Variants in ITGA8 observed in about 807,000 individuals in gnomAD.
ITGA8 encodes the protein integrin subunit alpha 8.
A neutral mutation model predicts 142.3 loss-of-function variants in ITGA8; 91 were observed. The observed-to-expected ratio is 0.64, with a 90% CI of 0.54 to 0.76. The LOEUF is 0.76. ITGA8 is among the 30% of genes least tolerant of loss of function. The pLI is 0.00. For missense variants in ITGA8, 1,406 were observed against 1,327.7 expected (o/e 1.06, Z -0.92); for synonymous variants, 505 against 485.2 (o/e 1.04, Z -0.54).
chr10:15,555,909 G>T (rs1833879268), intron 26 of ITGA8, among the ~76,000 whole-genome samples: 1 of 150,558 alleles, frequency 6.6e-6, no homozygotes, highest in Non-Finnish European at 1.5e-5. Flanking sequence ...ACGCTAACCA[G>T]AATGGTCTTG....
At chr10:15,526,620 G>T (rs1833179789) in intron 28 of ITGA8, among the ~76,000 whole-genome samples, 1 of 152,198 alleles carries the variant, frequency 6.6e-6, no homozygotes, top group South Asian at 2.1e-4. Flanking sequence ...AGTAACTGGA[G>T]TACTTAAATT....
chr10:15,608,392 T>G lies in ITGA8; in HGVS notation c.1554-102A>C, dbSNP rs1306308761. 4.6e-6 allele frequency: 3 copies of G among 652,186 alleles called. No individual in the cohort carries two copies. In the East Asian group the frequency reaches 8.1e-5, roughly 18 times the overall value. The allele number at this position is 652,186 out of a possible 1,614,324, so 40.4% of individuals were successfully genotyped here. A position where few individuals can be genotyped will look rare whatever the true frequency, so the allele number is the denominator to read the frequency against. ...GATAACGAATATCATTTTCTCTATA[T>G]ATTTCTAATTACACACACACACACA... is the stretch of plus-strand genomic sequence containing the variant. On this transcript the variant is annotated intron_variant, in intron 15 of 29. Transcript: ENST00000378076.
At chr10:15,714,292 A>G (rs1835412718) in intron 2 of ITGA8, among the ~76,000 whole-genome samples, 1 of 152,240 alleles carries the variant, frequency 6.6e-6, no homozygotes, top group Admixed American at 6.5e-5. Context: ...TAGAAAATGT[A>G]GGAAAAAGAA....
chr10:15,522,977 A>T (rs1833098124), intron 28 of ITGA8, among the ~76,000 whole-genome samples: 1 of 152,090 alleles, frequency 6.6e-6, no homozygotes, highest in African/African-American at 2.4e-5. Context: ...AGATGGTGCC[A>T]CTGCACTCCG....
At chr10:15,701,265 T>A (rs1333956998) in intron 2 of ITGA8, among the ~76,000 whole-genome samples, 1 of 152,232 alleles carries the variant, frequency 6.6e-6, no homozygotes, top group Non-Finnish European at 1.5e-5. Context: ...ACAGGTGTCA[T>A]TGGCTTTTAT....
intron 23 of ITGA8, among the ~76,000 whole-genome samples, chr10:15,576,161 C>T (rs563881480): frequency 2.6e-5 from 4 of 152,038 alleles, no homozygotes; most frequent in African/African-American, 9.7e-5. Context: ...TTCTATATTT[C>T]TTTGGCTTCC....
At position 15,515,597 on chromosome 10, in the gene ITGA8, T is replaced by G. The variant is rs1832951211; in HGVS notation, c.*1561A>C. On this transcript the variant is annotated 3_prime_UTR_variant, in exon 30 of 30. Coordinates refer to ENST00000378076, the MANE Select transcript of ITGA8 (RefSeq NM_003638.3). Reference sequence around the variant, plus strand: ...CAGCTTGTTCTATCATACTTAACATTTAGGAAATTAATTAAAAAAAAAAAC... The same window carrying G: ...CAGCTTGTTCTATCATACTTAACATGTAGGAAATTAATTAAAAAAAAAAAC... The G allele has an allele frequency of 8.3e-6, 1 of 121,170 alleles. No homozygotes were observed. Among genetic ancestry groups the G allele is most frequent in the Non-Finnish European group, 2.0e-5 (1 of 50,570 alleles). The allele number at this position is 121,170 out of a possible 1,614,324, so 7.5% of individuals were successfully genotyped here.
rs751810068 is a variant in ITGA8, at chr10:15,655,328, T to C, written c.1001+26A>G. On this transcript the variant is annotated intron_variant, in intron 11 of 29. Transcript: ENST00000378076. ...CTTTATGGATGAATGTAATATATTG[T>C]ATATGAGAGAGGTCTATAAACTTAC... is the stretch of plus-strand genomic sequence containing the variant. 18 of 1,414,802 alleles carry C rather than the reference T, an allele frequency of 1.3e-5. No individual in the cohort carries two copies. In the African/African-American group the frequency reaches 2.1e-4, roughly 17 times the overall value. The allele number at this position is 1,414,802 out of a possible 1,614,324, so 87.6% of individuals were successfully genotyped here. A position where few individuals can be genotyped will look rare whatever the true frequency, so the allele number is the denominator to read the frequency against.
intron 8 of ITGA8, 54 bp downstream of exon 8, chr10:15,671,549 T>C: frequency 1.4e-6 from 2 of 1,469,466 alleles, no homozygotes; most frequent in East Asian, 2.3e-5. Flanking sequence ...TTATATGCCA[T>C]TTTACCATTT....
At chr10:15,534,985 A>T (rs1833393040) in intron 27 of ITGA8, among the ~76,000 whole-genome samples, 1 of 151,744 alleles carries the variant, frequency 6.6e-6, no homozygotes, top group Admixed American at 6.6e-5. Flanking sequence ...GCACGGGGGG[A>T]GAGGCGCAGG....
chr10:15,688,470 C>G (rs1398683087), intron 2 of ITGA8, among the ~76,000 whole-genome samples: 1 of 151,608 alleles, frequency 6.6e-6, no homozygotes, highest in Non-Finnish European at 1.5e-5. Flanking sequence ...GACTCTGTCT[C>G]AAAAAAATAA....
chr10:15,621,982 A>AC (rs1163406914), intron 13 of ITGA8, among the ~76,000 whole-genome samples: 2 of 152,014 alleles, frequency 1.3e-5, no homozygotes, highest in African/African-American at 4.8e-5. Flanking sequence ...ATGTGGTGAA[A>AC]ACCCGTCTCT....
intron 21 of ITGA8, among the ~76,000 whole-genome samples, chr10:15,592,906 A>G (rs1832950414): frequency 6.6e-6 from 1 of 152,200 alleles, no homozygotes; most frequent in South Asian, 2.1e-4. Context: ...ATTGACTTAG[A>G]AAACTATGAT....
intron 2 of ITGA8, among the ~76,000 whole-genome samples, chr10:15,700,882 T>C (rs1360428040): frequency 6.6e-6 from 1 of 152,196 alleles, no homozygotes; most frequent in Non-Finnish European, 1.5e-5. Context: ...TACCACTATC[T>C]GAGATGATCG....
chr10:15,573,626 C>A (rs537482330), intron 24 of ITGA8, among the ~76,000 whole-genome samples: 1 of 152,054 alleles, frequency 6.6e-6, no homozygotes, highest in Admixed American at 6.6e-5. Flanking sequence ...GTAAACAGTT[C>A]ATCACTTTTG....
In ITGA8 at chr10:15,597,207, A is replaced by G. The variant is rs1833024082; in HGVS notation, c.2211T>C (p.Asn737=). Residue 737 remains asparagine (N), a splice_region_variant and synonymous_variant, in exon 21 of 30, where the codon AAT becomes AAC. Transcript: ENST00000378076. Reference sequence around the variant, plus strand: ...GTCAGTATTTCTGGTTCTCTCTTACATTTGTTCCAGACACCATAGGGTTCC... The same window carrying G: ...GTCAGTATTTCTGGTTCTCTCTTACGTTTGTTCCAGACACCATAGGGTTCC... The part of the protein sequence containing the change: ...DLGNPMVSGT[N]YSLGLRFAVP... 3 of 1,610,414 alleles carry G rather than the reference A, an allele frequency of 1.9e-6. No homozygotes were observed. The highest frequency in any genetic ancestry group is 1.1e-5 in the South Asian group (1 of 90,986).
intron 13 of ITGA8, among the ~76,000 whole-genome samples, chr10:15,631,905 G>C (rs926061219): frequency 2.0e-5 from 3 of 151,772 alleles, no homozygotes; most frequent in Non-Finnish European, 4.4e-5. Context: ...AAAGAACCCA[G>C]TCTCTGATTA....
chr10:15,630,286 T>C (rs1833661140), intron 13 of ITGA8, among the ~76,000 whole-genome samples: 1 of 152,152 alleles, frequency 6.6e-6, no homozygotes, highest in South Asian at 2.1e-4. Flanking sequence ...ACAATTTATA[T>C]ACAAGGTGTG....
At position 15,644,189 on chromosome 10, in the gene ITGA8, C is replaced by T; in HGVS notation, c.1240G>A (p.Asp414Asn). The part of the protein sequence containing the change: ...IAIGVPFAGK[D>N]QRGKVLIYNG... ...TAAATGAGCACTTTGCCTCTTTGAT[C>T]CTTGCCTGCAAAAGGCACTCCGATG... Residue 414 changes from aspartate to asparagine, a missense_variant, in exon 13 of 30, where the codon GAT (aspartate) becomes AAT (asparagine). Coordinates refer to ENST00000378076, the MANE Select transcript of ITGA8 (RefSeq NM_003638.3). 6.2e-7 allele frequency: 1 copy of T among 1,613,946 alleles called. No individual in the cohort carries two copies. Among genetic ancestry groups the T allele is most frequent in the Non-Finnish European group, 8.5e-7 (1 of 1,179,960 alleles).
Sources: gnomAD v4.1 joint callset for allele counts (sites outside exome capture counted in the v4.1 genomes callset) on GRCh38, gnomAD v4.1.1 for gene constraint, MANE v1.5 for transcripts, NCBI Gene and HGNC (gene_info 2026-07-23, HGNC 2026-07-21) for gene names.